The following BAZ2B variants were observed in gnomAD, a reference collection of about 807,000 sequenced individuals.
BAZ2B encodes the protein bromodomain adjacent to zinc finger domain 2B, also known as bromodomain adjacent to zinc finger domain protein 2B.
Under a neutral mutation model 246.0 loss-of-function variants are expected in BAZ2B, and 91 were observed. The ratio of observed to expected loss-of-function variants is 0.37; its 90% confidence interval spans 0.31 to 0.44. The LOEUF is 0.44. BAZ2B is among the 20% of genes least tolerant of loss of function. The pLI is 1.00. For missense variants in BAZ2B, 2,332 were observed against 2,533.7 expected (o/e 0.92, Z 1.71); for synonymous variants, 855 against 860.0 (o/e 0.99, Z 0.10).
At chr2:159,507,629 G>C (rs898545422) in intron 2 of BAZ2B, among the ~76,000 whole-genome samples, 1 of 151,938 alleles carries the variant, frequency 6.6e-6, no homozygotes, top group Non-Finnish European at 1.5e-5. Flanking sequence ...TAAAACATTA[G>C]GAATCAAATT....
At chr2:159,454,844 T>A (rs1415590189) in intron 3 of BAZ2B, among the ~76,000 whole-genome samples, 1 of 152,172 alleles carries the variant, frequency 6.6e-6, no homozygotes, top group African/African-American at 2.4e-5. Context: ...TTCAAATGAG[T>A]CTGACATTTT....
intron 1 of BAZ2B, among the ~76,000 whole-genome samples, chr2:159,604,646 TA>T (rs1353437349): frequency 6.6e-6 from 1 of 152,168 alleles, no homozygotes; most frequent in African/African-American, 2.4e-5. Flanking sequence ...GACAATGCTT[TA>T]AAAAATTGAC....
intron 2 of BAZ2B, among the ~76,000 whole-genome samples, chr2:159,509,661 A>G (rs2082705178): frequency 6.6e-6 from 1 of 152,142 alleles, no homozygotes; most frequent in Non-Finnish European, 1.5e-5. Context: ...TTACTACATG[A>G]ATTGAAAACA....
the BAZ2B span, among the ~76,000 whole-genome samples, chr2:159,651,441 T>C: frequency 6.6e-6 from 1 of 152,226 alleles, no homozygotes; most frequent in Non-Finnish European, 1.5e-5. Context: ...TATATTCTCA[T>C]AATCACTTTT....
intron 2 of BAZ2B, among the ~76,000 whole-genome samples, chr2:159,503,363 G>A (rs1486921075): frequency 1.3e-5 from 2 of 152,064 alleles, no homozygotes; most frequent in Non-Finnish European, 2.9e-5. Flanking sequence ...TTTAGTGCAT[G>A]ATGTTTGTTC....
At chr2:159,681,445 CAAA>C in the BAZ2B span, among the ~76,000 whole-genome samples, 13 of 138,746 alleles carry the variant, frequency 9.4e-5, no homozygotes, top group African/African-American at 5.4e-5. Flanking sequence ...ACAGTTTGAC[CAAA>C]AAAAAAAAAG....
chr2:159,406,793 T>TC (rs777934254), intron 14 of BAZ2B, among the ~76,000 whole-genome samples: 15 of 152,152 alleles, frequency 9.9e-5, no homozygotes, highest in Middle Eastern at 3.4e-3. Context: ...TCTTGCTCTG[T>TC]TCCCAGGCTG....
At chr2:159,384,818 T>C (rs3771704) in intron 23 of BAZ2B, among the ~76,000 whole-genome samples, 93,637 of 151,948 alleles carry the variant, frequency 0.62, 31,098 homozygotes, top group Non-Finnish European at 0.76. Context: ...AAAAAAATTC[T>C]GTATTCTTGT....
At chr2:159,448,848 T>C (rs1023918312) in intron 4 of BAZ2B, among the ~76,000 whole-genome samples, 24 of 152,190 alleles carry the variant, frequency 1.6e-4, no homozygotes, top group African/African-American at 5.8e-4. Context: ...GATAAATCAG[T>C]TAGTCTAAAT....
chr2:159,473,083 T>C (rs942004405), intron 3 of BAZ2B, among the ~76,000 whole-genome samples: 16 of 152,200 alleles, frequency 1.1e-4, no homozygotes, highest in African/African-American at 1.7e-4. Context: ...TTTGTACCTC[T>C]GGTAGAATTC....
the BAZ2B span, among the ~76,000 whole-genome samples, chr2:159,660,758 CAG>C: frequency 1.3e-5 from 2 of 152,108 alleles, no homozygotes; most frequent in East Asian, 3.9e-4. Flanking sequence ...CCTCCATGCC[CAG>C]CTAATTTTTA....
chr2:159,324,660 ACACACACACACACACACACACACACACAC>A, intron 36 of BAZ2B, 122 bp downstream of exon 36: 1 of 336,620 alleles, frequency 3.0e-6, no homozygotes, highest in South Asian at 7.9e-5. Context: ...ACACACACAC[ACACACACACACACACACACACACACACAC>A]CTGCCTCAAA....
chr2:159,614,592 A>G (rs1695462810), intron 1 of BAZ2B, among the ~76,000 whole-genome samples: 1 of 152,144 alleles, frequency 6.6e-6, no homozygotes, highest in South Asian at 2.1e-4. Context: ...AAGGGAATAT[A>G]CTGACTACAG....
chr2:159,699,679 T>C, the BAZ2B span, among the ~76,000 whole-genome samples: 1 of 152,220 alleles, frequency 6.6e-6, no homozygotes, highest in Non-Finnish European at 1.5e-5. Flanking sequence ...ACTCCTAATG[T>C]TGCTTCTTAC....
intron 2 of BAZ2B, among the ~76,000 whole-genome samples, chr2:159,509,476 A>G (rs186106048): frequency 2.1e-4 from 32 of 152,344 alleles, no homozygotes; most frequent in Admixed American, 5.9e-4. Flanking sequence ...GTTTTCACAC[A>G]TAACACATAT....
intron 2 of BAZ2B, among the ~76,000 whole-genome samples, chr2:159,490,832 T>C (rs972368077): frequency 6.6e-6 from 1 of 152,190 alleles, no homozygotes; most frequent in Admixed American, 6.5e-5. Flanking sequence ...GGTTAGCACA[T>C]TGCAAACCTC....
At chr2:159,638,653 G>GA in the BAZ2B span, among the ~76,000 whole-genome samples, 9 of 150,356 alleles carry the variant, frequency 6.0e-5, no homozygotes, top group Admixed American at 2.0e-4. Flanking sequence ...TGATTAAGCA[G>GA]AAAAAAAACA....
intron 26 of BAZ2B, among the ~76,000 whole-genome samples, chr2:159,373,910 C>T (rs935302003): frequency 6.6e-6 from 1 of 151,878 alleles, no homozygotes; most frequent in Non-Finnish European, 1.5e-5. Flanking sequence ...TGTTGTAAAC[C>T]TAGACAACAT....
At chr2:159,432,561 A>G (rs1374102524) in intron 9 of BAZ2B, among the ~76,000 whole-genome samples, 196 bp downstream of exon 9, 1 of 152,230 alleles carries the variant, frequency 6.6e-6, no homozygotes. Flanking sequence ...TGTCAAATGA[A>G]TAACAAGCTG....
Sources: gnomAD v4.1 joint callset for allele counts (sites outside exome capture counted in the v4.1 genomes callset) on GRCh38, gnomAD v4.1.1 for gene constraint, MANE v1.5 for transcripts, NCBI Gene and HGNC (gene_info 2026-07-23, HGNC 2026-07-21) for gene names.